PKHD1: variants seen among roughly 807,000 people sequenced by gnomAD.
The protein encoded by PKHD1 is PKHD1 ciliary IPT domain containing fibrocystin/polyductin.
PKHD1 carries 291 observed loss-of-function variants against 412.0 expected under a neutral mutation model. The ratio of observed to expected loss-of-function variants is 0.71; its 90% CI spans 0.64 to 0.78. The LOEUF (loss-of-function observed/expected upper bound fraction) is 0.78. PKHD1 is among the 30% of genes least tolerant of loss of function. The pLI, the probability that PKHD1 is intolerant of heterozygous loss-of-function variation, is 0.00. For missense variants in PKHD1, 4,825 were observed against 4,950.7 expected, an observed-to-expected ratio of 0.97 and a Z score of 0.76; for synonymous variants, 1,777 against 1,821.5, an observed-to-expected ratio of 0.98 and a Z score of 0.62.
chr6:52,034,205 GA>G (rs1305943396), intron 28 of PKHD1, among the ~76,000 whole-genome samples: 1 of 145,390 alleles, frequency 6.9e-6, no homozygotes. Flanking sequence ...AACTATAAAA[GA>G]AAAAAATATA....
intron 53 of PKHD1, among the ~76,000 whole-genome samples, chr6:51,789,774 G>T (rs1403907964): frequency 6.6e-6 from 1 of 152,070 alleles, no homozygotes; most frequent in Non-Finnish European, 1.5e-5. Context: ...ATGAACCATG[G>T]TTATAAACTG....
intron 11 of PKHD1, among the ~76,000 whole-genome samples, chr6:52,067,088 T>C (rs948944332): frequency 7.2e-5 from 11 of 152,194 alleles, no homozygotes; most frequent in African/African-American, 2.4e-4. Flanking sequence ...AAGCTAATGA[T>C]GAATGGTTAC....
chr6:51,677,070 T>C (rs1775969828), intron 60 of PKHD1, among the ~76,000 whole-genome samples: 2 of 152,154 alleles, frequency 1.3e-5, no homozygotes, highest in African/African-American at 4.8e-5. Context: ...ATGAAAAAGA[T>C]ATATATGCTT....
intron 48 of PKHD1, among the ~76,000 whole-genome samples, chr6:51,860,294 C>T (rs1004932895): frequency 5.3e-5 from 8 of 152,130 alleles, no homozygotes; most frequent in African/African-American, 1.9e-4. Context: ...TCACCAGGGG[C>T]CAAAAATTCA....
At chr6:51,888,869 G>T (rs532151745) in intron 43 of PKHD1, among the ~76,000 whole-genome samples, 1 of 149,944 alleles carries the variant, frequency 6.7e-6, no homozygotes, top group Non-Finnish European at 1.5e-5. Flanking sequence ...GAGAAAAATC[G>T]GGGCCCTATC....
intron 34 of PKHD1, among the ~76,000 whole-genome samples, chr6:52,016,712 G>A (rs975727478): frequency 3.3e-5 from 5 of 151,682 alleles, no homozygotes; most frequent in East Asian, 1.9e-4. Flanking sequence ...CTCTATCTAC[G>A]TAAGACATAA....
chr6:51,861,281 G>T (rs1375000419), intron 48 of PKHD1, among the ~76,000 whole-genome samples: 2 of 152,148 alleles, frequency 1.3e-5, no homozygotes, highest in Non-Finnish European at 2.9e-5. Context: ...GATTTGTTAG[G>T]CAATCAATAA....
intron 4 of PKHD1, among the ~76,000 whole-genome samples, chr6:52,081,685 TA>T (rs1177891058): frequency 2.6e-5 from 4 of 152,222 alleles, no homozygotes; most frequent in African/African-American, 7.2e-5. Flanking sequence ...AAAGATAACT[TA>T]GTTGAATGTT....
intron 60 of PKHD1, among the ~76,000 whole-genome samples, chr6:51,711,727 C>T (rs1780683242): frequency 6.6e-6 from 1 of 152,110 alleles, no homozygotes; most frequent in Admixed American, 6.5e-5. Flanking sequence ...CCTATCATAA[C>T]ATTTGAGGTT....
intron 60 of PKHD1, among the ~76,000 whole-genome samples, chr6:51,692,261 T>TCACACACACACACACACA (rs3061680): frequency 2.3e-4 from 34 of 147,430 alleles, no homozygotes; most frequent in African/African-American, 4.7e-4. Context: ...ATCACATAAT[T>TCACACACACACACACACA]CACACACACA....
chr6:51,670,604 T>C (rs1257292767), intron 60 of PKHD1, among the ~76,000 whole-genome samples: 1 of 151,852 alleles, frequency 6.6e-6, no homozygotes, highest in Non-Finnish European at 1.5e-5. Context: ...TGTTAGCTGG[T>C]TATTTTGCTC....
At chr6:52,010,487 G>C in intron 34 of PKHD1, 28 bp from the exon 35 acceptor site, 2 of 1,506,840 alleles carry the variant, frequency 1.3e-6, no homozygotes, top group Non-Finnish European at 1.8e-6. Context: ...GTTAAATGGG[G>C]TGTCATCAAT....
chr6:51,682,856 T>C (rs1776879816), intron 60 of PKHD1, among the ~76,000 whole-genome samples: 1 of 152,048 alleles, frequency 6.6e-6, no homozygotes, highest in Admixed American at 6.6e-5. Flanking sequence ...ACAGACAGGC[T>C]ACCATGCACC....
intron 43 of PKHD1, among the ~76,000 whole-genome samples, chr6:51,900,325 G>A (rs372237099): frequency 1.4e-4 from 22 of 152,192 alleles, no homozygotes; most frequent in African/African-American, 2.9e-4. Context: ...AAACAGAGAT[G>A]TAGATCAATG....
At chr6:51,980,463 T>C (rs1794995970) in intron 35 of PKHD1, among the ~76,000 whole-genome samples, 1 of 152,226 alleles carries the variant, frequency 6.6e-6, no homozygotes, top group Non-Finnish European at 1.5e-5. Context: ...TGTTCATGTA[T>C]CAATTAATGA....
At chr6:52,029,461 T>A (rs1412106393) in intron 29 of PKHD1, among the ~76,000 whole-genome samples, 3 of 152,058 alleles carry the variant, frequency 2.0e-5, no homozygotes, top group African/African-American at 7.3e-5. Context: ...GGTGACAAAA[T>A]TGCTTCAATA....
In PKHD1 at chr6:51,659,641, G is replaced by C. The variant is rs1241322545; in HGVS notation, c.10485C>G (p.Leu3495=). 2 of 1,613,750 alleles carry C rather than the reference G, an allele frequency of 1.2e-6. No homozygotes were observed. The highest frequency in any genetic ancestry group is 2.2e-5 in the East Asian group (1 of 44,834). Residue 3495 remains leucine (L), a synonymous_variant, in exon 61 of 67, where the codon CTC becomes CTG. Coordinates refer to ENST00000371117, the MANE Select transcript of PKHD1 (RefSeq NM_138694.4). ...GGAGCTCATGGTAGAATACAGCCAA[G>C]AGAAGCTTGGAGGTACTTTTGTTCC... ...LLGNKSTSKL[L]LAVFYHELQS... is the part of the protein sequence containing the mutation.
At chr6:52,067,794 C>A (rs1403085778) in intron 11 of PKHD1, among the ~76,000 whole-genome samples, 1 of 152,068 alleles carries the variant, frequency 6.6e-6, no homozygotes, top group Non-Finnish European at 1.5e-5. Context: ...GAGAAACAGA[C>A]AAGGAGGAGG....
At chr6:51,994,573 G>T (rs934760395) in intron 35 of PKHD1, among the ~76,000 whole-genome samples, 1 of 152,054 alleles carries the variant, frequency 6.6e-6, no homozygotes, top group Non-Finnish European at 1.5e-5. Context: ...GTTTGTTGTT[G>T]TTGTTGTTTG....
Sources: allele counts gnomAD v4.1 joint callset (sites outside exome capture counted in the v4.1 genomes callset), GRCh38; gene constraint gnomAD v4.1.1; transcripts MANE v1.5; gene names NCBI Gene and HGNC (gene_info 2026-07-23, HGNC 2026-07-21).